Variants in CDON observed in about 807,000 individuals in gnomAD.
CDON encodes cell adhesion molecule-related/down-regulated by oncogenes.
In CDON, 73 loss-of-function variants were observed where a neutral mutation model predicts 120.9. The observed-to-expected ratio is 0.60, with a 90% confidence interval of 0.50 to 0.73. The LOEUF (loss-of-function observed/expected upper bound fraction) is 0.73, where lower values mean the gene tolerates loss of function less well. CDON is among the 30% of genes least tolerant of loss of function. The pLI, the probability that CDON is intolerant of heterozygous loss-of-function variation, is 0.00. For synonymous variants in CDON, 566 were observed against 573.5 expected (o/e 0.99, Z 0.19); for missense variants, 1,470 against 1,587.3 (o/e 0.93, Z 1.26).
intron 11 of CDON, among the ~76,000 whole-genome samples, chr11:125,999,913 C>T (rs532686470): frequency 6.6e-6 from 1 of 152,332 alleles, no homozygotes; most frequent in East Asian, 1.9e-4. Flanking sequence ...ACCTCTCAAT[C>T]TCTAAACATA....
At chr11:125,989,790 C>G in intron 14 of CDON, 31 bp from the exon 15 acceptor site, 1 of 1,599,622 alleles carries the variant, frequency 6.3e-7, no homozygotes, top group Non-Finnish European at 8.5e-7. Flanking sequence ...CTTTACACAT[C>G]ATACAGCCTA....
chr11:126,035,679 C>CAA (rs926429207), intron 1 of CDON, among the ~76,000 whole-genome samples: 4 of 152,134 alleles, frequency 2.6e-5, no homozygotes, highest in African/African-American at 9.7e-5. Context: ...AGTAAAAACA[C>CAA]AAATTGGCCT....
At position 126,005,535 on chromosome 11, in the gene CDON, A is replaced by T. The variant is rs117833792; in HGVS notation, c.1851+224T>A. The stretch of plus-strand genomic sequence containing the variant: ...ATTTGAATACACATGTAAAGACATC[A>T]TTGGGTTCCTAGAATTCCAATTTGG... On this transcript the variant is annotated intron_variant, in intron 9 of 19. Transcript: ENST00000531738. 7.8e-3 allele frequency: 4,546 copies of T among 585,548 alleles called. 33 individuals carry two copies. Among genetic ancestry groups the T allele is most frequent in the Non-Finnish European group, 0.011 (3,714 of 327,982 alleles). 36.3% of individuals were successfully genotyped at this position (585,548 alleles called of 1,614,324 possible).
intron 14 of CDON, 94 bp from the exon 15 acceptor site, chr11:125,989,853 C>T: frequency 9.5e-7 from 1 of 1,056,746 alleles, no homozygotes; most frequent in Non-Finnish European, 1.4e-6. Context: ...GCTGGAGCAG[C>T]ATCCACTACC....
At position 126,022,573 on chromosome 11, in the gene CDON, A is replaced by G. The variant is rs530313156; in HGVS notation, c.76+828T>C. On this transcript the variant is annotated intron_variant, in intron 2 of 19. Transcript: ENST00000531738. Reference sequence around the variant, plus strand: ...GAAATAGTTGTTAATTTTCTAGAATAAAATACTTAAGAGAAAAAAAATCAA... The same window carrying G: ...GAAATAGTTGTTAATTTTCTAGAATGAAATACTTAAGAGAAAAAAAATCAA... 9.8e-5 allele frequency among the ~76,000 whole-genome samples: 15 copies of G among 152,338 alleles called. No individual in the cohort carries two copies. The South Asian group carries it at 1.2e-3, about 13-fold the overall frequency.
intron 18 of CDON, among the ~76,000 whole-genome samples, chr11:125,970,322 G>A (rs1380494988): frequency 2.0e-5 from 3 of 151,790 alleles, no homozygotes; most frequent in African/African-American, 7.3e-5. Context: ...TTACAGGCGC[G>A]CGCCACCACG....
At chr11:126,053,578 A>T (rs1301537529) in intron 1 of CDON, among the ~76,000 whole-genome samples, 2 of 152,122 alleles carry the variant, frequency 1.3e-5, no homozygotes, top group Admixed American at 1.3e-4. Flanking sequence ...TTCCTGCAAA[A>T]CTGTACTGTC....
At chr11:125,999,266 A>T (rs1237841464) in intron 11 of CDON, among the ~76,000 whole-genome samples, 1 of 152,238 alleles carries the variant, frequency 6.6e-6, no homozygotes, top group African/African-American at 2.4e-5. Flanking sequence ...CAGTTCAAAT[A>T]GGAAAAAGAA....
intron 1 of CDON, among the ~76,000 whole-genome samples, chr11:126,036,439 A>C (rs1452655608): frequency 6.6e-6 from 1 of 152,228 alleles, no homozygotes; most frequent in African/African-American, 2.4e-5. Context: ...CAGTTTCCCA[A>C]GGTAACTGGC....
At chr11:125,988,022 T>C (rs1408486413) in intron 15 of CDON, among the ~76,000 whole-genome samples, 1 of 152,228 alleles carries the variant, frequency 6.6e-6, no homozygotes, top group Non-Finnish European at 1.5e-5. Context: ...TAAAAAGGAA[T>C]AATAAGATCA....
At chr11:126,051,652 CTTTT>C (rs66575795) in intron 1 of CDON, among the ~76,000 whole-genome samples, 4,440 of 139,962 alleles carry the variant, frequency 0.032, 223 homozygotes, top group African/African-American at 0.11. Flanking sequence ...TATTTTTTTT[CTTTT>C]TTTTTTTTTT....
At chr11:126,028,652 T>C (rs922650274) in intron 1 of CDON, among the ~76,000 whole-genome samples, 1 of 152,036 alleles carries the variant, frequency 6.6e-6, no homozygotes, top group Non-Finnish European at 1.5e-5. Context: ...CATGAGCCAC[T>C]GCTCCTGGCC....
chr11:125,969,600 G>T (rs1591547267), intron 18 of CDON, among the ~76,000 whole-genome samples: 1 of 152,292 alleles, frequency 6.6e-6, no homozygotes, highest in East Asian at 1.9e-4. Context: ...GTTTTCTCTA[G>T]CTCAATGAAA....
chr11:125,970,181 T>G (rs1277503832), intron 18 of CDON, among the ~76,000 whole-genome samples: 2 of 129,188 alleles, frequency 1.5e-5, no homozygotes, highest in African/African-American at 5.3e-5. Flanking sequence ...TGTTTTTTTT[T>G]TTTTTTTTTT....
intron 11 of CDON, among the ~76,000 whole-genome samples, chr11:125,999,471 A>C (rs1946877859): frequency 6.6e-6 from 1 of 152,210 alleles, no homozygotes; most frequent in Non-Finnish European, 1.5e-5. Flanking sequence ...CAGTTTCCTA[A>C]TCTGTAAAAC....
chr11:126,061,052 A>C (rs1250446361), intron 1 of CDON, among the ~76,000 whole-genome samples: 1 of 152,246 alleles, frequency 6.6e-6, no homozygotes, highest in Non-Finnish European at 1.5e-5. Flanking sequence ...CAGTACCTCT[A>C]GTAACTGATT....
At chr11:126,026,061 T>C (rs1323200279) in intron 1 of CDON, among the ~76,000 whole-genome samples, 1 of 152,204 alleles carries the variant, frequency 6.6e-6, no homozygotes, top group Non-Finnish European at 1.5e-5. Flanking sequence ...TTACAAAATT[T>C]TAGTGCCTAG....
intron 14 of CDON, among the ~76,000 whole-genome samples, chr11:125,991,399 G>C (rs1017778206): frequency 6.6e-6 from 1 of 152,130 alleles, no homozygotes; most frequent in Non-Finnish European, 1.5e-5. Context: ...TTACCTCAGA[G>C]AGAAACCAAA....
chr11:126,021,619 T>A, intron 2 of CDON, 99 bp from the exon 3 acceptor site: 1 of 1,051,904 alleles, frequency 9.5e-7, no homozygotes, highest in Non-Finnish European at 1.4e-6. Flanking sequence ...TCTTTATAAC[T>A]AAAGGCAATC....
Sources: allele counts gnomAD v4.1 joint callset (sites outside exome capture counted in the v4.1 genomes callset), GRCh38; gene constraint gnomAD v4.1.1; transcripts MANE v1.5; gene names NCBI Gene and HGNC (gene_info 2026-07-23, HGNC 2026-07-21).